Variants in TVP23C observed in about 807,000 individuals in gnomAD.
TVP23C encodes the protein trans-golgi network vesicle protein 23 homolog C.
TVP23C carries 19 observed loss-of-function variants against 28.7 expected under a neutral mutation model. The observed-to-expected ratio is 0.66, with a 90% CI of 0.46 to 0.97. TVP23C has a LOEUF of 0.97. TVP23C is among the 50% of genes least tolerant of loss of function. The probability of loss-of-function intolerance (pLI) is 0.00; values close to 1 mark genes in which losing one functional copy is unlikely to be tolerated. For missense variants in TVP23C, 186 were observed against 241.3 expected (o/e 0.77, Z 1.52); for synonymous variants, 68 against 81.7 (o/e 0.83, Z 0.90).
At chr17:15,518,797 C>T (rs554926944) in intron 5 of TVP23C, among the ~76,000 whole-genome samples, 1 of 152,276 alleles carries the variant, frequency 6.6e-6, no homozygotes, top group African/African-American at 2.4e-5. Flanking sequence ...GAAGGTTTTC[C>T]AACCCTTCCT....
chr17:15,539,594 C>T lies in TVP23C; in HGVS notation c.*818G>A. ...CTCCAGCCTGGGCGACAGAGCAAGA[C>T]TCCATCTCAAGAAAAAAAAAAAAAA... On this transcript the variant is annotated 3_prime_UTR_variant, in exon 6 of 6. Transcript: ENST00000518321. 1 of 963,556 alleles carries T rather than the reference C, an allele frequency of 1.0e-6. No homozygotes were observed. Among genetic ancestry groups the T allele is most frequent in the African/African-American group, 1.8e-5 (1 of 55,992 alleles). 59.7% of individuals were successfully genotyped at this position (963,556 alleles called of 1,614,324 possible).
At chr17:15,547,801 A>C (rs1308352584) in intron 3 of TVP23C, among the ~76,000 whole-genome samples, 1 of 152,206 alleles carries the variant, frequency 6.6e-6, no homozygotes, top group Admixed American at 6.5e-5. Context: ...GGATGCTTGA[A>C]GAGTATAACA....
downstream of TVP23C, among the ~76,000 whole-genome samples, chr17:15,531,990 T>A (rs1982966907): frequency 6.6e-6 from 1 of 152,150 alleles, no homozygotes; most frequent in Non-Finnish European, 1.5e-5. Context: ...TTAGTCTGTG[T>A]TCTTTGTCAT....
rs1294844161 is a variant in TVP23C, at chr17:15,559,452, G to A, written c.12+3985C>T. Among the ~76,000 whole-genome samples the A allele has an allele frequency of 1.1e-4, 16 of 148,358 alleles. 4 individuals carry two copies. Among genetic ancestry groups the A allele is most frequent in the Non-Finnish European group, 1.8e-4 (12 of 66,586 alleles). ...TTTTGGACATTTTAAGATGCTAAAC[G>A]ACATTTTAAGATGCTAAAACCAAAA... On this transcript the variant is annotated intron_variant, in intron 1 of 5. Transcript: ENST00000518321.
At chr17:15,546,061 C>T (rs866274805) in intron 4 of TVP23C, 145 bp from the exon 5 acceptor site, 113 of 1,260,392 alleles carry the variant, frequency 9.0e-5, no homozygotes, top group Middle Eastern at 4.9e-4. Context: ...AAATACATGA[C>T]TATCACTCTC....
At chr17:15,533,900 C>T (rs1023501752), downstream of TVP23C, among the ~76,000 whole-genome samples, 4 of 152,204 alleles carry the variant, frequency 2.6e-5, no homozygotes, top group African/African-American at 9.7e-5. Flanking sequence ...AAATATCACA[C>T]ATGTAAGCCA....
chr17:15,542,507 C>T (rs1260439767), intron 5 of TVP23C, among the ~76,000 whole-genome samples: 2 of 152,038 alleles, frequency 1.3e-5, no homozygotes, highest in Non-Finnish European at 2.9e-5. Context: ...GACGGAGTCT[C>T]GCTCTGTCAC....
At chr17:15,526,330 C>A (rs1240398533) in intron 5 of TVP23C, among the ~76,000 whole-genome samples, 1 of 152,152 alleles carries the variant, frequency 6.6e-6, no homozygotes, top group Non-Finnish European at 1.5e-5. Context: ...TCACCATTGA[C>A]AAGTCCTGGC....
chr17:15,560,178 G>T (rs1984317281), intron 1 of TVP23C, among the ~76,000 whole-genome samples: 1 of 149,518 alleles, frequency 6.7e-6, no homozygotes, highest in Non-Finnish European at 1.5e-5. Flanking sequence ...CCCTGCATCA[G>T]CCTCAGCCTC....
In TVP23C at chr17:15,557,941, C is replaced by T. The variant is rs998017368; in HGVS notation, c.13-2577G>A. ...TAGCTCATGCAGTAAGTGATGGATGCGAGAAGCTCCTACTGAGCTAAGGCT... is the reference window on the plus strand; with the variant it reads ...TAGCTCATGCAGTAAGTGATGGATGTGAGAAGCTCCTACTGAGCTAAGGCT... On this transcript the variant is annotated intron_variant, in intron 1 of 5. Transcript: ENST00000518321. Among the ~76,000 whole-genome samples, 11 of 147,016 alleles carry T rather than the reference C, an allele frequency of 7.5e-5. 1 individual carries two copies. The highest frequency in any genetic ancestry group is 2.7e-4 in the African/African-American group (11 of 40,822).
At chr17:15,502,455 C>G (rs1296212196) in exon 6 of TVP23C, 1 of 172,608 alleles carries the variant, frequency 5.8e-6, no homozygotes, top group African/African-American at 2.4e-5. Flanking sequence ...CCCCTTCCCT[C>G]TTCGTCCTCG....
chr17:15,563,325 C>G (rs1984488799), intron 1 of TVP23C, 112 bp downstream of exon 1: 7 of 1,510,930 alleles, frequency 4.6e-6, no homozygotes, highest in South Asian at 1.2e-5. Flanking sequence ...GGCCGCCCCG[C>G]TCCTCCTCGA....
intron 1 of TVP23C, among the ~76,000 whole-genome samples, chr17:15,561,165 G>A (rs1451013367): frequency 6.6e-6 from 1 of 151,602 alleles, no homozygotes; most frequent in Non-Finnish European, 1.5e-5. Context: ...TACCAGCTGA[G>A]AGAGGATAAG....
chr17:15,528,915 G>C (rs897104122), intron 5 of TVP23C, among the ~76,000 whole-genome samples: 5 of 152,150 alleles, frequency 3.3e-5, no homozygotes, highest in Non-Finnish European at 7.4e-5. Context: ...TTTGTTTATA[G>C]TGCTTTTGAA....
rs139990415 is a variant in TVP23C at position 15,515,919 on chromosome 17, C to T, written c.463-12687G>A. ...GGTGGCTTCTCATGAACGGTTAGCA[C>T]CACCCCTAGTGCTGTTCTCCTGATG... is the stretch of plus-strand genomic sequence containing the variant. On this transcript the variant is annotated intron_variant, in intron 5 of 5. Coordinates refer to the TVP23C transcript ENST00000225576. Among the ~76,000 whole-genome samples the T allele has an allele frequency of 1.4e-3, 210 of 152,204 alleles. 1 individual carries two copies. The highest frequency in any genetic ancestry group is 4.6e-3 in the African/African-American group (192 of 41,520).
At chr17:15,553,522 G>GAAAAA (rs565524290) in intron 3 of TVP23C, among the ~76,000 whole-genome samples, 163 bp downstream of exon 3, 1 of 118,996 alleles carries the variant, frequency 8.4e-6, no homozygotes, top group African/African-American at 3.3e-5. Context: ...GGGAAAAAAT[G>GAAAAA]AAAAAAAAAA....
At chr17:15,521,399 G>A (rs1982471083) in intron 5 of TVP23C, among the ~76,000 whole-genome samples, 1 of 152,156 alleles carries the variant, frequency 6.6e-6, no homozygotes, top group Non-Finnish European at 1.5e-5. Context: ...AGCTACCTGG[G>A]AGGCTGAGGC....
intron 1 of TVP23C, among the ~76,000 whole-genome samples, chr17:15,559,860 C>G (rs1446461920): frequency 2.0e-5 from 3 of 148,676 alleles, no homozygotes; most frequent in Non-Finnish European, 4.5e-5. Context: ...AAGACAGACT[C>G]CTGGCATTCC....
At position 15,504,384 on chromosome 17, in the gene TVP23C, G is replaced by A. The variant is rs111962365; in HGVS notation, c.463-1152C>T. 2.2e-3 allele frequency among the ~76,000 whole-genome samples: 340 copies of A among 152,284 alleles called. 1 individual carries two copies. The highest frequency in any genetic ancestry group is 8.0e-3 in the African/African-American group (333 of 41,554). Reference sequence around the variant, plus strand: ...GAGGCAGAATTGAAGTCGTGGTCATGGGGCTTTTGCTTCTGGACAAGGCTA... The same window carrying A: ...GAGGCAGAATTGAAGTCGTGGTCATAGGGCTTTTGCTTCTGGACAAGGCTA... On this transcript the variant is annotated intron_variant, in intron 5 of 5. Coordinates refer to the TVP23C transcript ENST00000225576.
Sources: allele counts gnomAD v4.1 joint callset (sites outside exome capture counted in the v4.1 genomes callset), GRCh38; gene constraint gnomAD v4.1.1; transcripts MANE v1.5; gene names NCBI Gene and HGNC (gene_info 2026-07-23, HGNC 2026-07-21).